The following BRWD1 variants were observed in gnomAD, a reference collection of about 807,000 sequenced individuals.
BRWD1 encodes bromodomain and WD repeat domain containing 1, also known as bromodomain and WD repeat-containing protein 1.
A neutral mutation model predicts 251.2 loss-of-function variants in BRWD1; 82 were observed. The ratio of observed to expected loss-of-function variants is 0.33; its 90% CI spans 0.27 to 0.39. The LOEUF is 0.39. Among genes scored for constraint, BRWD1 ranks in the 10% least tolerant of loss-of-function variants. BRWD1 has a pLI of 1.00. For synonymous variants in BRWD1, 918 were observed against 902.8 expected (o/e 1.02, Z -0.30); for missense variants, 2,233 against 2,711.6 (o/e 0.82, Z 3.92).
At chr21:39,214,024 G>C (rs2032778925) in intron 32 of BRWD1, among the ~76,000 whole-genome samples, 1 of 151,914 alleles carries the variant, frequency 6.6e-6, no homozygotes, top group Non-Finnish European at 1.5e-5. Context: ...GGATATCTAA[G>C]CATAAAGGAG....
intron 31 of BRWD1, among the ~76,000 whole-genome samples, chr21:39,215,738 A>C (rs1158499732): frequency 2.0e-5 from 3 of 152,204 alleles, no homozygotes; most frequent in African/African-American, 7.2e-5. Context: ...TTACACCTGT[A>C]ATCCCAGCAC....
At chr21:39,206,644 A>G (rs2032402618) in intron 36 of BRWD1, among the ~76,000 whole-genome samples, 1 of 152,228 alleles carries the variant, frequency 6.6e-6, no homozygotes, top group South Asian at 2.1e-4. Flanking sequence ...TATTTAGGCT[A>G]CAAAAGCGCT....
chr21:39,206,789 C>T lies in BRWD1; in HGVS notation c.4198-515G>A, dbSNP rs953551851. ...CAGTAGCAGAAAGTATAACCTAGAA[C>T]GTTAATGCATATGAAAGATTTGTTT... On this transcript the variant is annotated intron_variant, in intron 36 of 40. Coordinates refer to ENST00000342449, the MANE Select transcript of BRWD1 (RefSeq NM_033656.4). 4.6e-5 allele frequency among the ~76,000 whole-genome samples: 7 copies of T among 152,110 alleles called. No individual in the cohort carries two copies. The South Asian group carries it at 6.2e-4, about 14-fold the overall frequency.
At chr21:39,209,220 C>T (rs1261477319) in intron 36 of BRWD1, among the ~76,000 whole-genome samples, 1 of 152,076 alleles carries the variant, frequency 6.6e-6, no homozygotes, top group Non-Finnish European at 1.5e-5. Context: ...TGCCCAAAGA[C>T]TTTCCAGACC....
Position 39,313,572 on chromosome 21 carries a change from C to G in BRWD1, c.-81G>C. 8.4e-7 allele frequency: 1 copy of G among 1,189,332 alleles called. No individual in the cohort carries two copies. Among genetic ancestry groups the G allele is most frequent in the Non-Finnish European group, 1.1e-6 (1 of 947,170 alleles). 73.7% of individuals were successfully genotyped at this position (1,189,332 alleles called of 1,614,324 possible). ...CGCCGAGGCCTGACCGGGCTGGCGT[C>G]CCCTCTTCTCAGGCGCGCGCCGCCG... is the stretch of plus-strand genomic sequence containing the variant. On this transcript the variant is annotated 5_prime_UTR_variant, in exon 1 of 41. Transcript: ENST00000342449.
chr21:39,217,034 TAAATATATATATATA>T (rs1568877700), intron 31 of BRWD1: 20 of 19,556 alleles, frequency 1.0e-3, no homozygotes, highest in African/African-American at 1.3e-3. Context: ...TATATATATA[TAAATATATATATATA>T]TTTATATATA....
In BRWD1 at chr21:39,199,426, G is replaced by A. The variant is rs756970607; in HGVS notation, c.4990C>T (p.Arg1664Cys). The change falls in exon 40 of 41, where the codon CGC becomes TGC. Residue 1664 changes from arginine (R) to cysteine (C), a missense_variant. By Grantham distance (180) the Arg-to-Cys change is radical. This residue lies in a region of BRWD1 where 928 missense variants were observed against 970.0 expected (regional missense o/e 0.96). Coordinates refer to ENST00000342449, the MANE Select transcript of BRWD1 (RefSeq NM_033656.4). Reference protein sequence around the residue: ...SVCSGRKLPHRNASAVARKKL... With the variant: ...SVCSGRKLPHCNASAVARKKL... ...TTTCTAGCTACAGCAGAAGCATTGC[G>A]GTGAGGCAGCTTCCGACCAGAACAG... 4.3e-6 allele frequency: 7 copies of A among 1,614,166 alleles called. No individual in the cohort carries two copies. Among genetic ancestry groups the A allele is most frequent in the East Asian group, 2.2e-5 (1 of 44,886 alleles).
intron 5 of BRWD1, chr21:39,296,907 T>C (rs756416756): frequency 6.1e-6 from 6 of 984,418 alleles, no homozygotes; most frequent in Non-Finnish European, 7.2e-6. Flanking sequence ...TTGATTTATA[T>C]GAAAATTCAT....
At chr21:39,311,333 A>G (rs1888487) in intron 4 of BRWD1, among the ~76,000 whole-genome samples, 91,227 of 151,728 alleles carry the variant, frequency 0.6, 27,625 homozygotes, top group Admixed American at 0.66. Flanking sequence ...ACAGCCGCCT[A>G]ATTTTCTGTT....
chr21:39,231,047 G>C (rs748996070), intron 25 of BRWD1, among the ~76,000 whole-genome samples: 1 of 151,992 alleles, frequency 6.6e-6, no homozygotes, highest in African/African-American at 2.4e-5. Flanking sequence ...AAATAAAACC[G>C]CCAATGTATA....
At chr21:39,221,030 C>T (rs951889667) in intron 29 of BRWD1, among the ~76,000 whole-genome samples, 2 of 151,926 alleles carry the variant, frequency 1.3e-5, no homozygotes, top group Non-Finnish European at 2.9e-5. Context: ...TGGCACACAC[C>T]TGTAGTCCCA....
chr21:39,290,691 A>G (rs538549632), intron 8 of BRWD1, among the ~76,000 whole-genome samples: 121 of 152,332 alleles, frequency 7.9e-4, no homozygotes, highest in African/African-American at 2.6e-3. Flanking sequence ...TATATTGTCA[A>G]CACATTCATA....
chr21:39,313,358 AGGGGAGCCGGGGGAGCCC>A lies in BRWD1; in HGVS notation c.49+67_50-60del, dbSNP rs1218057554. 18 of 1,462,836 alleles carry A rather than the reference AGGGGAGCCGGGGGAGCCC, an allele frequency of 1.2e-5. 1 individual carries two copies. In the Middle Eastern group the frequency reaches 1.4e-3, roughly 116 times the overall value. The allele number at this position is 1,462,836 out of a possible 1,614,324, so 90.6% of individuals were successfully genotyped here. A position where few individuals can be genotyped will look rare whatever the true frequency, so the allele number is the denominator to read the frequency against. On this transcript the variant is annotated intron_variant, in intron 1 of 40. Coordinates refer to ENST00000342449, the MANE Select transcript of BRWD1 (RefSeq NM_033656.4). ...GCGGGGAGGGGAGGGGGACGGGGCC[AGGGGAGCCGGGGGAGCCC>A]GGGGAGCCGGGGAAGCCGAAGCAGC... is the stretch of plus-strand genomic sequence containing the variant.
intron 29 of BRWD1, among the ~76,000 whole-genome samples, chr21:39,223,173 A>G (rs2033246438): frequency 2.6e-5 from 4 of 152,242 alleles, no homozygotes; most frequent in Admixed American, 2.6e-4. Flanking sequence ...ATAGTATCGT[A>G]TTAATAATTT....
chr21:39,296,474 C>G (rs2035964959), intron 5 of BRWD1, 111 bp from the exon 6 acceptor site: 1 of 1,289,352 alleles, frequency 7.8e-7, no homozygotes, highest in East Asian at 2.9e-5. Context: ...ATTTTACCAA[C>G]TAGTATACTT....
intron 9 of BRWD1, among the ~76,000 whole-genome samples, chr21:39,279,507 C>T (rs923123343): frequency 2.6e-5 from 4 of 151,268 alleles, no homozygotes; most frequent in East Asian, 1.9e-4. Flanking sequence ...GACGTGGTGG[C>T]GGGCACCTGT....
chr21:39,234,603 A>C (rs1024379872), intron 23 of BRWD1, among the ~76,000 whole-genome samples: 1 of 152,220 alleles, frequency 6.6e-6, no homozygotes, highest in African/African-American at 2.4e-5. Context: ...AGACCCCAGA[A>C]AACTCACACC....
rs1245487903 is a variant in BRWD1 at position 39,265,507 on chromosome 21, G to C, written c.1531-488C>G. On this transcript the variant is annotated intron_variant, in intron 15 of 40. Transcript: ENST00000342449. ...TTCCAAAAAAATAAAATTGATTTTG[G>C]ATACAACTAGCCTAGAAAAAAGTCT... is the stretch of plus-strand genomic sequence containing the variant. Among the ~76,000 whole-genome samples the C allele has an allele frequency of 3.9e-5, 6 of 152,052 alleles. No individual in the cohort carries two copies. In the East Asian group the frequency reaches 1.2e-3, roughly 29 times the overall value.
At chr21:39,262,683 C>T (rs1442345143) in intron 17 of BRWD1, among the ~76,000 whole-genome samples, 2 of 151,944 alleles carry the variant, frequency 1.3e-5, no homozygotes, top group African/African-American at 4.8e-5. Context: ...CCACTGCACT[C>T]CAGTCTGCCG....
Sources: gnomAD v4.1 joint callset for allele counts (sites outside exome capture counted in the v4.1 genomes callset) on GRCh38, gnomAD v4.1.1 for gene constraint, gnomAD v4.1.1 regional missense constraint, MANE v1.5 for transcripts, NCBI Gene and HGNC (gene_info 2026-07-23, HGNC 2026-07-21) for gene names.